The following IL1R2 variants were observed in gnomAD, a reference collection of about 807,000 sequenced individuals.
The protein encoded by IL1R2 is interleukin-1 receptor type 2.
Under a neutral mutation model 39.5 loss-of-function variants are expected in IL1R2, and 46 were observed. The observed-to-expected ratio is 1.16, with a 90% CI of 0.92 to 1.49. The LOEUF (loss-of-function observed/expected upper bound fraction) is 1.49, where lower values mean the gene tolerates loss of function less well. Among genes scored for constraint, IL1R2 ranks in the 40% most tolerant of loss-of-function variants. The pLI, the probability that IL1R2 is intolerant of heterozygous loss-of-function variation, is 0.00. For synonymous variants in IL1R2, 207 were observed against 189.6 expected (o/e 1.09, Z -0.75); for missense variants, 537 against 502.0 (o/e 1.07, Z -0.67).
intron 6 of IL1R2, among the ~76,000 whole-genome samples, chr2:102,023,179 T>C (rs577553774): frequency 6.6e-6 from 1 of 152,360 alleles, no homozygotes; most frequent in South Asian, 2.1e-4. Context: ...CTTTTTCCTT[T>C]TGTTTAGTGC....
At chr2:102,004,366 C>T (rs896780152) in intron 1 of IL1R2, among the ~76,000 whole-genome samples, 1 of 152,008 alleles carries the variant, frequency 6.6e-6, no homozygotes, top group Non-Finnish European at 1.5e-5. Context: ...CTCTTTCTAC[C>T]TTCCAGCATT....
rs1677441815 is a variant in IL1R2 at position 102,022,182 on chromosome 2, C to T, written c.689-5C>T. On this transcript the variant is annotated splice_region_variant and splice_polypyrimidine_tract_variant and intron_variant, in intron 5 of 8. Transcript: ENST00000332549. ...CGGAATCTCTTTTCCTTACATCTTT[C>T]TCAGAAAAAAAAGAAGAGACCATTC... is the stretch of plus-strand genomic sequence containing the variant. 6.2e-7 allele frequency: 1 copy of T among 1,610,876 alleles called. No homozygotes were observed. Among genetic ancestry groups the T allele is most frequent in the Non-Finnish European group, 8.5e-7 (1 of 1,177,102 alleles).
chr2:102,026,729 C>A (rs1190488346), intron 8 of IL1R2, among the ~76,000 whole-genome samples: 1 of 152,126 alleles, frequency 6.6e-6, no homozygotes, highest in Non-Finnish European at 1.5e-5. Flanking sequence ...GCCAAATCAA[C>A]CCAGTGTTCA....
At chr2:101,994,333 C>A (rs1221312958) in intron 1 of IL1R2, among the ~76,000 whole-genome samples, 1 of 152,122 alleles carries the variant, frequency 6.6e-6, no homozygotes, top group Non-Finnish European at 1.5e-5. Flanking sequence ...CCCTCCCCTC[C>A]CCCTGGAGAG....
chr2:101,998,579 A>G (rs1299865608), intron 1 of IL1R2, among the ~76,000 whole-genome samples: 1 of 152,230 alleles, frequency 6.6e-6, no homozygotes, highest in Non-Finnish European at 1.5e-5. Flanking sequence ...CTTCTGCTCC[A>G]TGTGTCTGAT....
Position 102,028,427 on chromosome 2 carries a change from C to T in IL1R2, c.*35C>T, listed in dbSNP as rs576174592. On this transcript the variant is annotated 3_prime_UTR_variant, in exon 9 of 9. Coordinates refer to ENST00000332549, the MANE Select transcript of IL1R2 (RefSeq NM_004633.4). ...AATGAAATAATTCAAACACAAACTC[C>T]GTACGTCTTCTCTTATGGAAGTGGC... The T allele has an allele frequency of 1.5e-4, 228 of 1,518,634 alleles. 1 individual carries two copies. The South Asian group carries it at 1.7e-3, about 12-fold the overall frequency. The allele number at this position is 1,518,634 out of a possible 1,614,324, so 94.1% of individuals were successfully genotyped here.
chr2:102,011,868 T>G (rs1392049276), intron 3 of IL1R2, among the ~76,000 whole-genome samples: 1 of 152,224 alleles, frequency 6.6e-6, no homozygotes, highest in African/African-American at 2.4e-5. Flanking sequence ...CTTCTAAGAA[T>G]TTTATAGTTT....
intron 1 of IL1R2, among the ~76,000 whole-genome samples, chr2:102,004,904 G>A (rs895292545): frequency 3.3e-5 from 5 of 152,208 alleles, no homozygotes; most frequent in Admixed American, 2.6e-4. Context: ...TGGAGATGGT[G>A]GTGGGGGTAG....
At chr2:101,996,978 A>AT (rs1421465752) in intron 1 of IL1R2, among the ~76,000 whole-genome samples, 2 of 151,794 alleles carry the variant, frequency 1.3e-5, no homozygotes, top group African/African-American at 4.8e-5. Context: ...TCTTGCTTTC[A>AT]TTTTGTTTCT....
At chr2:102,015,776 A>G (rs1480694573) in intron 3 of IL1R2, 95 bp from the exon 4 acceptor site, 3 of 980,430 alleles carry the variant, frequency 3.1e-6, no homozygotes, top group Non-Finnish European at 4.6e-6. Flanking sequence ...ATGCAGATGC[A>G]GATTTTAATA....
At chr2:102,016,164 C>A in intron 4 of IL1R2, 113 bp downstream of exon 4, 2 of 770,646 alleles carry the variant, frequency 2.6e-6, no homozygotes, top group Non-Finnish European at 4.1e-6. Flanking sequence ...CACACACGCA[C>A]AAACACACAC....
chr2:102,000,715 G>C (rs1002979673), intron 1 of IL1R2, among the ~76,000 whole-genome samples: 14 of 152,180 alleles, frequency 9.2e-5, no homozygotes, highest in African/African-American at 3.1e-4. Flanking sequence ...CAGAGAACGA[G>C]TGCCAAAACC....
At chr2:102,025,682 GAA>G (rs1393213328) in intron 7 of IL1R2, among the ~76,000 whole-genome samples, 1 of 152,200 alleles carries the variant, frequency 6.6e-6, no homozygotes, top group African/African-American at 2.4e-5. Context: ...GTAGAGATGA[GAA>G]GAGACGGCAC....
At chr2:101,995,671 G>A (rs1488364934) in intron 1 of IL1R2, among the ~76,000 whole-genome samples, 2 of 152,192 alleles carry the variant, frequency 1.3e-5, no homozygotes, top group African/African-American at 2.4e-5. Context: ...CCTCCAAGGT[G>A]TACTGTGGCA....
At chr2:102,015,849 T>C (rs754101980) in intron 3 of IL1R2, 22 bp from the exon 4 acceptor site, 3 of 1,571,740 alleles carry the variant, frequency 1.9e-6, no homozygotes, top group Non-Finnish European at 1.7e-6. Flanking sequence ...GCCATTTATC[T>C]TTTTTTTCCC....
chr2:102,008,716 T>A, intron 2 of IL1R2, 74 bp downstream of exon 2: 1 of 1,336,802 alleles, frequency 7.5e-7, no homozygotes, highest in Admixed American at 1.7e-5. Context: ...TCTAGAGAAG[T>A]TTCCTTGTCA....
chr2:102,016,170 C>T, intron 4 of IL1R2, 119 bp downstream of exon 4: 1 of 752,316 alleles, frequency 1.3e-6, no homozygotes, highest in South Asian at 2.2e-5. Flanking sequence ...CGCACAAACA[C>T]ACACATGGTT....
chr2:102,017,398 G>GAAAAA lies in IL1R2; in HGVS notation c.513+1359_513+1363dup, dbSNP rs56358561. ...GGAAACACAGTGAGACTCCATCTCAGAAAAAAAAAAAAAAAAGCACATGAT... is the reference window on the plus strand; with the variant it reads ...GGAAACACAGTGAGACTCCATCTCAGAAAAAAAAAAAAAAAAAAAAAGCACATGAT... On this transcript the variant is annotated intron_variant, in intron 4 of 8. Coordinates refer to ENST00000332549, the MANE Select transcript of IL1R2 (RefSeq NM_004633.4). 5.1e-3 allele frequency among the ~76,000 whole-genome samples: 573 copies of GAAAAA among 113,294 alleles called. 11 individuals carry two copies. Among genetic ancestry groups the GAAAAA allele is most frequent in the African/African-American group, 0.019 (515 of 26,942 alleles). 74.3% of individuals were successfully genotyped at this position (113,294 alleles called of 152,430 possible).
chr2:101,997,853 C>G (rs1221914898), intron 1 of IL1R2, among the ~76,000 whole-genome samples: 1 of 152,214 alleles, frequency 6.6e-6, no homozygotes. Flanking sequence ...AGGTTTCAAA[C>G]CCAGAATAAG....
Sources: allele counts gnomAD v4.1 joint callset (sites outside exome capture counted in the v4.1 genomes callset), GRCh38; gene constraint gnomAD v4.1.1; transcripts MANE v1.5; gene names NCBI Gene and HGNC (gene_info 2026-07-23, HGNC 2026-07-21).